Variants in PSMF1 observed in about 807,000 individuals in gnomAD.
The protein encoded by PSMF1 is proteasome inhibitor subunit 1.
A neutral mutation model predicts 29.3 loss-of-function variants in PSMF1; 30 were observed. The ratio of observed to expected loss-of-function variants is 1.02; its 90% CI spans 0.77 to 1.39. The LOEUF is 1.39. Among genes scored for constraint, PSMF1 ranks in the 40% most tolerant of loss-of-function variants. The pLI is 0.00. For missense variants in PSMF1, 344 were observed against 357.5 expected (o/e 0.96, Z 0.31); for synonymous variants, 134 against 139.7 (o/e 0.96, Z 0.29).
chr20:1,146,085 T>C (rs2086445642), intron 4 of PSMF1, among the ~76,000 whole-genome samples: 1 of 152,292 alleles, frequency 6.6e-6, no homozygotes, highest in African/African-American at 2.4e-5. Flanking sequence ...GCCCCTGCTT[T>C]AGAGGCATGC....
At chr20:1,162,642 C>T (rs1305873399) in intron 4 of PSMF1, among the ~76,000 whole-genome samples, 1 of 152,110 alleles carries the variant, frequency 6.6e-6, no homozygotes, top group African/African-American at 2.4e-5. Context: ...ATACACAGTA[C>T]ATCTGTAGTA....
At chr20:1,161,036 G>A (rs908282275) in intron 4 of PSMF1, 12 of 403,690 alleles carry the variant, frequency 3.0e-5, no homozygotes, top group Non-Finnish European at 5.2e-5. Flanking sequence ...CATTGTCATG[G>A]ATTCTGGAGA....
intron 1 of PSMF1, among the ~76,000 whole-genome samples, chr20:1,120,472 G>C (rs2086072595): frequency 1.3e-5 from 2 of 152,098 alleles, no homozygotes; most frequent in Admixed American, 1.3e-4. Flanking sequence ...TTCAGACCTT[G>C]GGACCAGGTA....
At chr20:1,153,003 A>T (rs1290241542) in intron 4 of PSMF1, among the ~76,000 whole-genome samples, 1 of 152,212 alleles carries the variant, frequency 6.6e-6, no homozygotes, top group Non-Finnish European at 1.5e-5. Flanking sequence ...TTTGATACAG[A>T]TTGCTCAGTT....
chr20:1,130,502 C>G (rs1054410140), intron 3 of PSMF1, among the ~76,000 whole-genome samples: 2 of 152,204 alleles, frequency 1.3e-5, no homozygotes, highest in African/African-American at 4.8e-5. Flanking sequence ...GACCTCTTCC[C>G]TCTGTCTAAA....
chr20:1,166,295 A>G lies in PSMF1; in HGVS notation c.*1215A>G. The G allele has an allele frequency of 5.0e-6, 8 of 1,592,466 alleles. No homozygotes were observed. In the South Asian group the frequency reaches 8.9e-5, roughly 18 times the overall value. On this transcript the variant is annotated 3_prime_UTR_variant, in exon 7 of 7. Coordinates refer to ENST00000335877, the MANE Select transcript of PSMF1 (RefSeq NM_006814.5). The stretch of plus-strand genomic sequence containing the variant: ...AGTGGAAAGAGCACGATAGAGCACC[A>G]GGCTAAGAGGCACGAGATCAAGGCG...
At chr20:1,113,850 C>A (rs558934002), upstream of PSMF1, among the ~76,000 whole-genome samples, 2 of 152,220 alleles carry the variant, frequency 1.3e-5, 1 homozygote, top group East Asian at 3.9e-4. Flanking sequence ...CGCCACCACG[C>A]CCGGCTAATT....
Position 1,125,656 on chromosome 20 carries a change from T to C in PSMF1, c.282+6T>C. The C allele has an allele frequency of 6.2e-7, 1 of 1,607,080 alleles. No homozygotes were observed. The highest frequency in any genetic ancestry group is 8.5e-7 in the Non-Finnish European group (1 of 1,177,070). Reference sequence around the variant, plus strand: ...GCATGATCCTCAATGTGCTGGTGAGTCTCTGGGACACGTGAGTCTGCTGAT... The same window carrying C: ...GCATGATCCTCAATGTGCTGGTGAGCCTCTGGGACACGTGAGTCTGCTGAT... On this transcript the variant is annotated splice_donor_region_variant and intron_variant, in intron 2 of 6. Transcript: ENST00000335877.
intron 3 of PSMF1, chr20:1,134,820 C>T (rs2086280695): frequency 2.2e-6 from 1 of 452,768 alleles, no homozygotes; most frequent in Admixed American, 3.4e-5. Flanking sequence ...CGGGTGAGGA[C>T]AGAGGAGTAG....
chr20:1,133,569 A>ATTTT (rs1217034678), intron 3 of PSMF1, among the ~76,000 whole-genome samples: 2 of 53,296 alleles, frequency 3.8e-5, no homozygotes, highest in African/African-American at 5.6e-5. Flanking sequence ...ATATATATAT[A>ATTTT]TTTTTTTTTT....
In PSMF1 at chr20:1,125,602, C is replaced by T; in HGVS notation, c.234C>T (p.Leu78=). 1 of 1,614,040 alleles carries T rather than the reference C, an allele frequency of 6.2e-7. No homozygotes were observed. Among genetic ancestry groups the T allele is most frequent in the Non-Finnish European group, 8.5e-7 (1 of 1,179,982 alleles). Residue 78 remains leucine, a synonymous_variant, in exon 2 of 7, where the codon CTC becomes CTT. Transcript: ENST00000335877. ...RYEYKDGSRK[L]LVKAITVESS... ...AGTATAAGGATGGGTCCAGAAAGCT[C>T]CTTGTGAAAGCCATCACCGTGGAGA...
chr20:1,145,180 C>CT (rs2086434266), intron 4 of PSMF1, among the ~76,000 whole-genome samples: 1 of 152,216 alleles, frequency 6.6e-6, no homozygotes, highest in Non-Finnish European at 1.5e-5. Context: ...GCCCCTGTTC[C>CT]TGGGCCCCTG....
intron 3 of PSMF1, among the ~76,000 whole-genome samples, chr20:1,132,432 T>G (rs1039451681): frequency 6.6e-6 from 1 of 151,906 alleles, no homozygotes; most frequent in East Asian, 1.9e-4. Flanking sequence ...CGTGCCACCA[T>G]GCCTGGCTAA....
intron 2 of PSMF1, 56 bp downstream of exon 2, chr20:1,125,706 T>G: frequency 6.4e-7 from 1 of 1,570,044 alleles, no homozygotes; most frequent in Non-Finnish European, 8.6e-7. Context: ...AATGGCTGTT[T>G]TGAAACCCAT....
chr20:1,138,220 G>A (rs2086332740), intron 4 of PSMF1, among the ~76,000 whole-genome samples: 1 of 152,138 alleles, frequency 6.6e-6, no homozygotes. Context: ...TATGAATACA[G>A]ATATGAAAAC....
chr20:1,158,947 T>C (rs113688046), intron 4 of PSMF1, among the ~76,000 whole-genome samples: 2,358 of 152,098 alleles, frequency 0.016, 52 homozygotes, highest in African/African-American at 0.051. Flanking sequence ...TCCTAGCTAC[T>C]TAGGAGGCTG....
chr20:1,160,654 A>G, intron 4 of PSMF1: 1 of 509,108 alleles, frequency 2.0e-6, no homozygotes, highest in Non-Finnish European at 4.0e-6. Flanking sequence ...TTTGCTGGGG[A>G]CGACGCCCCT....
At chr20:1,144,918 CAG>C (rs1330762865) in intron 4 of PSMF1, among the ~76,000 whole-genome samples, 5 of 152,040 alleles carry the variant, frequency 3.3e-5, no homozygotes, top group African/African-American at 9.7e-5. Flanking sequence ...TCTTTTTAGA[CAG>C]AGTCACCCAG....
upstream of PSMF1, chr20:1,118,562 C>G (rs912918392): frequency 6.8e-5 from 34 of 503,624 alleles, no homozygotes; most frequent in Non-Finnish European, 1.0e-4. Flanking sequence ...GCCAACCCGG[C>G]GCGCCTCACG....
Sources: gnomAD v4.1 joint callset for allele counts (sites outside exome capture counted in the v4.1 genomes callset) on GRCh38, gnomAD v4.1.1 for gene constraint, MANE v1.5 for transcripts, NCBI Gene and HGNC (gene_info 2026-07-23, HGNC 2026-07-21) for gene names.